Variants in DAAM2 observed in about 807,000 individuals in gnomAD.
DAAM2 encodes the protein dishevelled associated activator of morphogenesis 2.
Under a neutral mutation model 120.7 loss-of-function variants are expected in DAAM2, and 39 were observed. The ratio of observed to expected loss-of-function variants is 0.32; its 90% CI spans 0.25 to 0.42. The LOEUF (loss-of-function observed/expected upper bound fraction) is 0.42. DAAM2 is among the 10% of genes least tolerant of loss of function. DAAM2 has a pLI of 1.00. For synonymous variants in DAAM2, 488 were observed against 524.9 expected, an observed-to-expected ratio of 0.93 and a Z score of 0.96; for missense variants, 1,283 against 1,401.7, an observed-to-expected ratio of 0.92 and a Z score of 1.35.
At chr6:39,854,368 G>T (rs1262137555) in intron 1 of DAAM2, among the ~76,000 whole-genome samples, 1 of 152,186 alleles carries the variant, frequency 6.6e-6, no homozygotes. Flanking sequence ...TGTCAAAGAA[G>T]CAGGAGACAC....
Position 39,904,068 on chromosome 6 carries a change from CAG to C in DAAM2, c.*2032_*2033del. ...CAGGCTGATGTCAACCTAACCCCCTCAGGGGCAGGGAACAGGGGAGGGCTCCA... is the reference window on the plus strand; with the variant it reads ...CAGGCTGATGTCAACCTAACCCCCTCGGGCAGGGAACAGGGGAGGGCTCCA... On this transcript the variant is annotated 3_prime_UTR_variant, in exon 25 of 25. Transcript: ENST00000274867. 2 of 397,892 alleles carry C rather than the reference CAG, an allele frequency of 5.0e-6. No individual in the cohort carries two copies. The highest frequency in any genetic ancestry group is 5.0e-6 in the Non-Finnish European group (1 of 201,526). The allele number at this position is 397,892 out of a possible 1,614,324, so 24.6% of individuals were successfully genotyped here.
Position 39,904,113 on chromosome 6 carries a change from C to T in DAAM2, c.*2076C>T, listed in dbSNP as rs951504936. The T allele has an allele frequency of 9.0e-6, 4 of 442,692 alleles. No homozygotes were observed. The Admixed American group carries it at 9.7e-5, about 11-fold the overall frequency. 27.4% of individuals were successfully genotyped at this position (442,692 alleles called of 1,614,324 possible). ...GGGCTCCACAAGCGTGTCTGGCATT[C>T]CCACCCACCATGGAAGACTGGATAC... On this transcript the variant is annotated 3_prime_UTR_variant, in exon 25 of 25. Coordinates refer to ENST00000274867, the MANE Select transcript of DAAM2 (RefSeq NM_001201427.2).
At chr6:39,885,583 T>C (rs969211418) in intron 15 of DAAM2, 1 of 152,354 alleles carries the variant, frequency 6.6e-6, no homozygotes, top group Admixed American at 6.5e-5. Context: ...GCCTCCCAGC[T>C]TGGTGAGTTG....
chr6:39,838,412 A>G (rs1763191222), intron 1 of DAAM2, among the ~76,000 whole-genome samples: 3 of 152,152 alleles, frequency 2.0e-5, no homozygotes, highest in Non-Finnish European at 4.4e-5. Flanking sequence ...CCAGTGACAA[A>G]TTTTAAGATA....
At position 39,834,147 on chromosome 6, in the gene DAAM2, C is replaced by T. The variant is rs183218137; in HGVS notation, c.-56-22100C>T. Among the ~76,000 whole-genome samples the T allele has an allele frequency of 8.2e-4, 125 of 152,254 alleles. 1 individual carries two copies. The highest frequency in any genetic ancestry group is 3.9e-3 in the South Asian group (19 of 4,824). ...ACGTGTGATGTAGCGCCTTGAATAA[C>T]GTACAATATCCCCCAGAGAAATGGG... On this transcript the variant is annotated intron_variant, in intron 1 of 24. Coordinates refer to ENST00000274867, the MANE Select transcript of DAAM2 (RefSeq NM_001201427.2).
chr6:39,840,940 G>T (rs1365391402), intron 1 of DAAM2, among the ~76,000 whole-genome samples: 1 of 150,482 alleles, frequency 6.6e-6, no homozygotes, highest in Non-Finnish European at 1.5e-5. Context: ...AGGAAGTGAG[G>T]CTTGCTAGGT....
Position 39,884,296 on chromosome 6 carries a change from A to G in DAAM2, c.1953+227A>G, listed in dbSNP as rs1582735137. On this transcript the variant is annotated intron_variant, in intron 15 of 24. Transcript: ENST00000274867. ...CTTGCTGAGGATGTAGGTATGAAGT[A>G]GAGGTGCACAGACCATAGGGGGAAA... 6.1e-6 allele frequency: 3 copies of G among 493,784 alleles called. No individual in the cohort carries two copies. In the East Asian group the frequency reaches 9.6e-5, roughly 16 times the overall value. 30.6% of individuals were successfully genotyped at this position (493,784 alleles called of 1,614,324 possible).
chr6:39,897,041 A>G, intron 20 of DAAM2, 61 bp downstream of exon 20: 3 of 1,557,466 alleles, frequency 1.9e-6, no homozygotes, highest in Non-Finnish European at 2.6e-6. Flanking sequence ...CTGGCCTCTC[A>G]CATCCTCCCT....
At chr6:39,812,670 A>T (rs1762198403) in intron 1 of DAAM2, among the ~76,000 whole-genome samples, 1 of 151,666 alleles carries the variant, frequency 6.6e-6, no homozygotes, top group Non-Finnish European at 1.5e-5. Context: ...TAGCTTTTGG[A>T]GTGCCTGTAA....
At chr6:39,824,166 A>C (rs1762586524) in intron 1 of DAAM2, among the ~76,000 whole-genome samples, 1 of 152,158 alleles carries the variant, frequency 6.6e-6, no homozygotes, top group Non-Finnish European at 1.5e-5. Flanking sequence ...CAAGCGCAGG[A>C]GTCAATAGAA....
chr6:39,896,004 A>T (rs1766060113), intron 19 of DAAM2, among the ~76,000 whole-genome samples: 1 of 152,154 alleles, frequency 6.6e-6, no homozygotes, highest in Non-Finnish European at 1.5e-5. Flanking sequence ...CAAAAATAAT[A>T]GAATATTATA....
chr6:39,879,571 C>T (rs750002973), intron 14 of DAAM2, 94 bp downstream of exon 14: 1 of 1,539,722 alleles, frequency 6.5e-7, no homozygotes, highest in African/African-American at 1.4e-5. Context: ...GATCTCCACT[C>T]TGGGTCCTTT....
intron 1 of DAAM2, among the ~76,000 whole-genome samples, chr6:39,829,464 T>C (rs1222265034): frequency 1.3e-5 from 2 of 152,134 alleles, no homozygotes; most frequent in Non-Finnish European, 1.5e-5. Context: ...CAGAACCCCA[T>C]GGTTGGTTCC....
chr6:39,801,161 G>A (rs527952726), intron 1 of DAAM2, among the ~76,000 whole-genome samples: 9 of 152,220 alleles, frequency 5.9e-5, no homozygotes, highest in Admixed American at 2.0e-4. Context: ...ATATAAAATC[G>A]TTTTAGAGGA....
In DAAM2 at chr6:39,873,266, A is replaced by C; in HGVS notation, c.1073A>C (p.Gln358Pro). The C allele has an allele frequency of 6.2e-7, 1 of 1,613,040 alleles. No individual in the cohort carries two copies. Among genetic ancestry groups the C allele is most frequent in the Non-Finnish European group, 8.5e-7 (1 of 1,179,562 alleles). The change falls in exon 10 of 25, where the codon CAG becomes CCG. Residue 358 changes from glutamine (Q) to proline (P), a missense_variant. By Grantham distance (76) the Gln-to-Pro change is moderately conservative. Transcript: ENST00000274867. ...CACATCGACACCAAGAGTGCTTCCC[A>C]GATGTTTGAGTTGATCCACAAGAAG... is the stretch of plus-strand genomic sequence containing the variant. ...MVHIDTKSAS[Q>P]MFELIHKKLK...
chr6:39,875,434 T>G lies in DAAM2; in HGVS notation c.1267T>G (p.Leu423Val). ...ERGVDPDLAP[L>V]ENFNVKNIVN... Reference sequence around the variant, plus strand: ...GGGTGTGGACCCTGACCTGGCTCCCTTGGAGAACTTCAATGTCAAGAACAT... The same window carrying G: ...GGGTGTGGACCCTGACCTGGCTCCCGTGGAGAACTTCAATGTCAAGAACAT... The change falls in exon 11 of 25, where the codon TTG becomes GTG. Residue 423 changes from leucine (L) to valine (V), a missense_variant. By Grantham distance (32) the Leu-to-Val change is conservative. This residue lies in a region of DAAM2 where 338 missense variants were observed against 443.9 expected (regional missense o/e 0.76). Coordinates refer to ENST00000274867, the MANE Select transcript of DAAM2 (RefSeq NM_001201427.2). The G allele has an allele frequency of 3.1e-6, 5 of 1,613,924 alleles. No individual in the cohort carries two copies. Among genetic ancestry groups the G allele is most frequent in the Non-Finnish European group, 4.2e-6 (5 of 1,179,850 alleles).
chr6:39,887,385 A>C, intron 15 of DAAM2, 101 bp from the exon 16 acceptor site: 1 of 756,754 alleles, frequency 1.3e-6, no homozygotes, highest in Non-Finnish European at 2.3e-6. Flanking sequence ...CCCTCACACC[A>C]GGAGCATTCC....
intron 1 of DAAM2, among the ~76,000 whole-genome samples, chr6:39,793,564 A>G (rs1268003196): frequency 4.6e-5 from 7 of 152,138 alleles, no homozygotes; most frequent in Non-Finnish European, 1.0e-4. Flanking sequence ...CTTGATGCCC[A>G]CGTGGGAATG....
At chr6:39,836,917 G>T (rs940577380) in intron 1 of DAAM2, among the ~76,000 whole-genome samples, 4 of 152,198 alleles carry the variant, frequency 2.6e-5, no homozygotes, top group Non-Finnish European at 5.9e-5. Flanking sequence ...GCACTGCCCT[G>T]GTTTCTGGTT....
Sources: allele counts gnomAD v4.1 joint callset (sites outside exome capture counted in the v4.1 genomes callset), GRCh38; gene constraint gnomAD v4.1.1; regional missense constraint gnomAD v4.1.1; transcripts MANE v1.5; gene names NCBI Gene and HGNC (gene_info 2026-07-23, HGNC 2026-07-21).